The following DPP6 variants were observed in gnomAD, a reference collection of about 807,000 sequenced individuals.
The protein encoded by DPP6 is A-type potassium channel modulatory protein DPP6.
In DPP6, 69 loss-of-function variants were observed where a neutral mutation model predicts 122.6. The observed-to-expected ratio is 0.56, with a 90% CI of 0.46 to 0.69. The LOEUF (loss-of-function observed/expected upper bound fraction) is 0.69. Ranked by LOEUF, DPP6 falls within the 30% of genes least tolerant of loss-of-function variation. The probability of loss-of-function intolerance (pLI) is 0.00; values close to 1 mark genes in which losing one functional copy is unlikely to be tolerated. For missense variants in DPP6, 928 were observed against 1,116.9 expected (o/e 0.83, Z 2.41); for synonymous variants, 418 against 433.1 (o/e 0.97, Z 0.43).
chr7:154,072,095 T>C (rs891240344), intron 1 of DPP6, among the ~76,000 whole-genome samples: 6 of 152,204 alleles, frequency 3.9e-5, no homozygotes, highest in Non-Finnish European at 7.3e-5. Flanking sequence ...ATTGCAAAAG[T>C]GCAGTGCGGC....
At chr7:153,967,254 T>A (rs1309656758) in intron 1 of DPP6, among the ~76,000 whole-genome samples, 1 of 152,014 alleles carries the variant, frequency 6.6e-6, no homozygotes, top group African/African-American at 2.4e-5. Flanking sequence ...AGATTTGCAG[T>A]TGGGGTCATA....
At chr7:154,235,818 A>G (rs1801178757) in intron 1 of DPP6, among the ~76,000 whole-genome samples, 1 of 152,158 alleles carries the variant, frequency 6.6e-6, no homozygotes, top group Admixed American at 6.6e-5. Flanking sequence ...GGCAACTACT[A>G]ACACCTTGTT....
At chr7:153,811,119 C>T in the DPP6 span, among the ~76,000 whole-genome samples, 9 of 152,034 alleles carry the variant, frequency 5.9e-5, no homozygotes, top group Admixed American at 2.6e-4. Context: ...GGAGGCTGGA[C>T]AGCAGATTGT....
At chr7:153,886,929 T>G (rs538805130), upstream of DPP6, among the ~76,000 whole-genome samples, 1 of 151,962 alleles carries the variant, frequency 6.6e-6, no homozygotes, top group Non-Finnish European at 1.5e-5. Flanking sequence ...GCAATCACCG[T>G]AGTGCTTGTT....
intron 5 of DPP6, among the ~76,000 whole-genome samples, chr7:154,574,448 G>GGT (rs1263822584): frequency 8.4e-6 from 1 of 119,110 alleles, no homozygotes; most frequent in African/African-American, 3.0e-5. Context: ...GTATGTGTGT[G>GGT]GTGTGTGTGT....
chr7:154,748,130 G>A (rs543277594), intron 8 of DPP6, among the ~76,000 whole-genome samples: 6 of 152,272 alleles, frequency 3.9e-5, no homozygotes, highest in African/African-American at 9.6e-5. Flanking sequence ...GGCAGAAGGC[G>A]CCCACGTGGT....
At chr7:154,491,671 C>T (rs1563754173) in intron 3 of DPP6, among the ~76,000 whole-genome samples, 2 of 152,180 alleles carry the variant, frequency 1.3e-5, no homozygotes, top group Non-Finnish European at 2.9e-5. Flanking sequence ...ACTTGAAGAA[C>T]AGGAGAAGAT....
chr7:154,299,203 G>A (rs953804810), intron 1 of DPP6, among the ~76,000 whole-genome samples: 5 of 152,184 alleles, frequency 3.3e-5, no homozygotes, highest in East Asian at 1.9e-4. Flanking sequence ...CCCTCAAAGG[G>A]GTGCTGGCGT....
chr7:153,906,854 G>A (rs1799873677), intron 1 of DPP6, among the ~76,000 whole-genome samples: 2 of 152,196 alleles, frequency 1.3e-5, no homozygotes, highest in Non-Finnish European at 2.9e-5. Context: ...ATATGGCCGA[G>A]TAGTATTCCA....
intron 1 of DPP6, among the ~76,000 whole-genome samples, chr7:154,343,887 T>C (rs1034568741): frequency 2.0e-5 from 3 of 152,202 alleles, no homozygotes; most frequent in Non-Finnish European, 4.4e-5. Flanking sequence ...GGCTAATTTT[T>C]GTATTATTAG....
At chr7:154,650,812 G>A (rs1836830871) in intron 6 of DPP6, among the ~76,000 whole-genome samples, 1 of 152,198 alleles carries the variant, frequency 6.6e-6, no homozygotes, top group African/African-American at 2.4e-5. Flanking sequence ...GCCTGTAGCA[G>A]CTGTCTTCTC....
intron 18 of DPP6, among the ~76,000 whole-genome samples, chr7:154,871,070 GCAGC>G (rs1804346908): frequency 6.6e-6 from 1 of 151,236 alleles, no homozygotes; most frequent in African/African-American, 2.4e-5. Flanking sequence ...AGGCTCCTCC[GCAGC>G]CTTGGCGGCC....
intron 17 of DPP6, among the ~76,000 whole-genome samples, chr7:154,862,734 T>TCAAA (rs561392316): frequency 2.8e-4 from 42 of 152,234 alleles, no homozygotes; most frequent in African/African-American, 9.1e-4. Flanking sequence ...TCCTCTGGCA[T>TCAAA]CAAACACCTG....
intron 1 of DPP6, among the ~76,000 whole-genome samples, chr7:154,313,714 T>TATATATATATATATAC (rs1177234778): frequency 5.6e-5 from 1 of 17,788 alleles, no homozygotes; most frequent in African/African-American, 1.6e-4. Context: ...TATATATATA[T>TATATATATATATATAC]ACACACACAC....
intron 5 of DPP6, among the ~76,000 whole-genome samples, chr7:154,631,584 T>C (rs1343147974): frequency 2.0e-5 from 3 of 151,912 alleles, no homozygotes; most frequent in African/African-American, 7.3e-5. Context: ...GGAGAATCAC[T>C]TGAGCATGGG....
At chr7:153,945,553 C>A (rs13236040) in intron 1 of DPP6, among the ~76,000 whole-genome samples, 4,910 of 152,220 alleles carry the variant, frequency 0.032, 116 homozygotes, top group Non-Finnish European at 0.044. Flanking sequence ...GAGAGCACCT[C>A]GTATAAGAAT....
At chr7:154,785,797 G>A (rs1797300012) in intron 10 of DPP6, among the ~76,000 whole-genome samples, 1 of 152,168 alleles carries the variant, frequency 6.6e-6, no homozygotes, top group South Asian at 2.1e-4. Context: ...TATCTTTCAT[G>A]ATAGAGCTAA....
chr7:154,104,614 TG>T (rs1806010296), intron 1 of DPP6, among the ~76,000 whole-genome samples: 1 of 152,278 alleles, frequency 6.6e-6, no homozygotes, highest in African/African-American at 2.4e-5. Flanking sequence ...CCTTCGGCCC[TG>T]GACCTGTGCT....
chr7:154,747,471 A>G (rs1843086769), intron 8 of DPP6, among the ~76,000 whole-genome samples: 1 of 152,176 alleles, frequency 6.6e-6, no homozygotes, highest in Non-Finnish European at 1.5e-5. Flanking sequence ...ACTCAAGCAA[A>G]TTGATTCACC....
Sources: allele counts gnomAD v4.1 joint callset (sites outside exome capture counted in the v4.1 genomes callset), GRCh38; gene constraint gnomAD v4.1.1; transcripts MANE v1.5; gene names NCBI Gene and HGNC (gene_info 2026-07-23, HGNC 2026-07-21).